GNAZ: variants seen among roughly 807,000 people sequenced by gnomAD.
GNAZ encodes guanine nucleotide-binding protein G(z) subunit alpha.
Under a neutral mutation model 25.4 loss-of-function variants are expected in GNAZ, and 3 were observed. The ratio of observed to expected loss-of-function variants is 0.12; its 90% confidence interval spans 0.05 to 0.30. The LOEUF (loss-of-function observed/expected upper bound fraction) is 0.30. Among genes scored for constraint, GNAZ ranks in the 10% least tolerant of loss-of-function variants. The pLI, the probability that GNAZ is intolerant of heterozygous loss-of-function variation, is 1.00. For missense variants in GNAZ, 241 were observed against 501.8 expected, an observed-to-expected ratio of 0.48 and a Z score of 4.97; for synonymous variants, 211 against 205.7, an observed-to-expected ratio of 1.03 and a Z score of -0.22.
At chr22:23,079,154 G>A (rs757692463) in intron 1 of GNAZ, among the ~76,000 whole-genome samples, 1 of 152,346 alleles carries the variant, frequency 6.6e-6, no homozygotes, top group Middle Eastern at 3.4e-3. Context: ...AAAGAGGTGG[G>A]CGATAAACAC....
chr22:23,091,591 C>A (rs2068979649), intron 1 of GNAZ, among the ~76,000 whole-genome samples: 1 of 151,574 alleles, frequency 6.6e-6, no homozygotes, highest in Non-Finnish European at 1.5e-5. Flanking sequence ...TTTGCACACA[C>A]ACAGGCACCT....
chr22:23,096,468 C>A, intron 2 of GNAZ, 50 bp downstream of exon 2: 1 of 1,550,516 alleles, frequency 6.4e-7, no homozygotes, highest in Non-Finnish European at 8.7e-7. Flanking sequence ...GTCGTGGGTT[C>A]CTGGAAGCAA....
chr22:23,096,024 T>G lies in GNAZ; in HGVS notation c.329T>G (p.Leu110Arg), dbSNP rs1172258202. ...RAYDAVQLFA[L>R]TGPAESKGEI... ...TACGACGCTGTGCAGCTCTTTGCGC[T>G]GACGGGCCCCGCTGAGAGCAAGGGC... Residue 110 changes from leucine (L) to arginine (R), a missense_variant, in exon 2 of 3, where the codon CTG becomes CGG. By Grantham distance (102) the Leu-to-Arg change is moderately radical (BLOSUM62 -2). Coordinates refer to ENST00000615612, the MANE Select transcript of GNAZ (RefSeq NM_002073.4). 6.2e-7 allele frequency: 1 copy of G among 1,607,236 alleles called. No homozygotes were observed. The highest frequency in any genetic ancestry group is 1.1e-5 in the South Asian group (1 of 91,068).
At position 23,123,553 on chromosome 22, in the gene GNAZ, C is replaced by T. The variant is rs1911810706; in HGVS notation, c.*122C>T. 3.1e-6 allele frequency: 2 copies of T among 636,990 alleles called. No individual in the cohort carries two copies. Among genetic ancestry groups the T allele is most frequent in the South Asian group, 1.9e-5 (1 of 51,654 alleles). The allele number at this position is 636,990 out of a possible 1,614,324, so 39.5% of individuals were successfully genotyped here. ...GGGGCCTAAAGAATGTCCCCCACCCCTTGGCCTCTGCCTCCTTGGCCCCAC... is the reference window on the plus strand; with the variant it reads ...GGGGCCTAAAGAATGTCCCCCACCCTTTGGCCTCTGCCTCCTTGGCCCCAC... On this transcript the variant is annotated 3_prime_UTR_variant, in exon 3 of 3. Coordinates refer to ENST00000615612, the MANE Select transcript of GNAZ (RefSeq NM_002073.4).
chr22:23,088,523 G>T (rs968870816), intron 1 of GNAZ, among the ~76,000 whole-genome samples: 3 of 152,246 alleles, frequency 2.0e-5, no homozygotes, highest in African/African-American at 7.2e-5. Context: ...GGGTGGGGCA[G>T]TGCTGAGTCA....
rs1167813228 is a variant in GNAZ, at chr22:23,115,958, G to C, written c.724-7129G>C. Among the ~76,000 whole-genome samples, 3 of 152,224 alleles carry C rather than the reference G, an allele frequency of 2.0e-5. No homozygotes were observed. In the East Asian group the frequency reaches 5.8e-4, roughly 29 times the overall value. ...TGAAGATGACAAGGCAGTGCGGTTG[G>C]CTGAGGGCCTGGGCCAGGCCAAGCA... On this transcript the variant is annotated intron_variant, in intron 2 of 2. Coordinates refer to ENST00000615612, the MANE Select transcript of GNAZ (RefSeq NM_002073.4).
intron 1 of GNAZ, among the ~76,000 whole-genome samples, chr22:23,081,122 C>G (rs1306214835): frequency 6.6e-6 from 1 of 152,170 alleles, no homozygotes; most frequent in African/African-American, 2.4e-5. Context: ...GGAAAAGCCT[C>G]AGTAAAAGCC....
At chr22:23,074,275 C>T (rs551562197) in intron 1 of GNAZ, among the ~76,000 whole-genome samples, 165 of 152,322 alleles carry the variant, frequency 1.1e-3, no homozygotes, top group African/African-American at 3.7e-3. Context: ...TGAGGGGCTA[C>T]TGCAACATCC....
chr22:23,095,941 C>G lies in GNAZ; in HGVS notation c.246C>G (p.Thr82=), dbSNP rs1259254407. The part of the protein sequence containing the change: ...LIIYNAIDSL[T]RIIRALAALR... ...TCTACAATGCCATCGACTCGCTGACCCGCATCATCCGGGCCCTGGCCGCCC... is the reference window on the plus strand; with the variant it reads ...TCTACAATGCCATCGACTCGCTGACGCGCATCATCCGGGCCCTGGCCGCCC... Residue 82 remains threonine, a synonymous_variant, in exon 2 of 3, where the codon ACC becomes ACG. Coordinates refer to ENST00000615612, the MANE Select transcript of GNAZ (RefSeq NM_002073.4). 1.2e-6 allele frequency: 2 copies of G among 1,612,880 alleles called. No homozygotes were observed.
At chr22:23,118,923 A>C (rs1369837268) in intron 2 of GNAZ, among the ~76,000 whole-genome samples, 1 of 152,216 alleles carries the variant, frequency 6.6e-6, no homozygotes, top group African/African-American at 2.4e-5. Context: ...AGGAGGACCC[A>C]GGGGAGCCCA....
intron 2 of GNAZ, among the ~76,000 whole-genome samples, chr22:23,119,773 G>A (rs1394419926): frequency 1.3e-5 from 2 of 152,208 alleles, no homozygotes; most frequent in African/African-American, 4.8e-5. Flanking sequence ...TATGTGGTTG[G>A]TGCCTCCTGC....
chr22:23,105,251 G>T (rs2069430687), intron 2 of GNAZ, among the ~76,000 whole-genome samples: 1 of 152,272 alleles, frequency 6.6e-6, no homozygotes, highest in African/African-American at 2.4e-5. Flanking sequence ...AGCCTCGAAG[G>T]CAACTTGGCT....
At chr22:23,088,796 A>G (rs1371040326) in intron 1 of GNAZ, among the ~76,000 whole-genome samples, 3 of 152,138 alleles carry the variant, frequency 2.0e-5, no homozygotes, top group Admixed American at 1.3e-4. Flanking sequence ...CCCATCGGGC[A>G]TTAGGGGTGT....
chr22:23,102,543 G>A (rs1189268417), intron 2 of GNAZ, among the ~76,000 whole-genome samples: 2 of 152,152 alleles, frequency 1.3e-5, no homozygotes, highest in Non-Finnish European at 2.9e-5. Context: ...TCCTTGGTCA[G>A]AGGTCAGCCA....
At chr22:23,119,782 G>T (rs1476472929) in intron 2 of GNAZ, among the ~76,000 whole-genome samples, 1 of 152,224 alleles carries the variant, frequency 6.6e-6, no homozygotes, top group African/African-American at 2.4e-5. Context: ...GGTGCCTCCT[G>T]CAGGCTTTCC....
At chr22:23,118,476 C>T (rs971965212) in intron 2 of GNAZ, among the ~76,000 whole-genome samples, 3 of 149,596 alleles carry the variant, frequency 2.0e-5, no homozygotes, top group African/African-American at 4.9e-5. Context: ...TTCCCCGCCC[C>T]GCCCCACCCC....
intron 2 of GNAZ, among the ~76,000 whole-genome samples, chr22:23,113,913 CTG>C (rs2069733479): frequency 6.6e-6 from 1 of 152,254 alleles, no homozygotes; most frequent in Non-Finnish European, 1.5e-5. Context: ...ATGTTGGTCA[CTG>C]TGTCAGCAGT....
Position 23,082,337 on chromosome 22 carries a change from A to G in GNAZ, c.-450+11767A>G, listed in dbSNP as rs982029222. Among the ~76,000 whole-genome samples, 5 of 150,646 alleles carry G rather than the reference A, an allele frequency of 3.3e-5. No individual in the cohort carries two copies. In the South Asian group the frequency reaches 1.1e-3, roughly 32 times the overall value. On this transcript the variant is annotated intron_variant, in intron 1 of 2. Coordinates refer to ENST00000615612, the MANE Select transcript of GNAZ (RefSeq NM_002073.4). ...GTTCAAGCTCCTGTCTCAGCCTCGA[A>G]AGTAGCTGGGATTACAGGCGCACAC...
intron 1 of GNAZ, among the ~76,000 whole-genome samples, chr22:23,089,572 A>G (rs956977471): frequency 2.6e-5 from 4 of 152,132 alleles, no homozygotes; most frequent in African/African-American, 9.7e-5. Context: ...CTCCATGACC[A>G]TGTACCCATC....
Sources: allele counts gnomAD v4.1 joint callset (sites outside exome capture counted in the v4.1 genomes callset), GRCh38; gene constraint gnomAD v4.1.1; transcripts MANE v1.5; gene names NCBI Gene and HGNC (gene_info 2026-07-23, HGNC 2026-07-21).